Variants in ARHGEF10L observed in about 807,000 individuals in gnomAD.
ARHGEF10L encodes Rho guanine nucleotide exchange factor 10 like.
Under a neutral mutation model 141.2 loss-of-function variants are expected in ARHGEF10L, and 69 were observed. The ratio of observed to expected loss-of-function variants is 0.49; its 90% CI spans 0.40 to 0.60. ARHGEF10L has a LOEUF of 0.60. Among genes scored for constraint, ARHGEF10L ranks in the 20% least tolerant of loss-of-function variants. ARHGEF10L has a pLI of 0.00. For synonymous variants in ARHGEF10L, 711 were observed against 718.5 expected (o/e 0.99, Z 0.17); for missense variants, 1,482 against 1,734.3 (o/e 0.85, Z 2.58).
At chr1:17,667,562 G>C (rs982656022) in intron 26 of ARHGEF10L, among the ~76,000 whole-genome samples, 30 of 152,258 alleles carry the variant, frequency 2.0e-4, no homozygotes, top group Admixed American at 2.0e-3. Flanking sequence ...GGAGAATTGG[G>C]GCACACCAGG....
chr1:17,627,252 C>G lies in ARHGEF10L; in HGVS notation c.1411-78C>G. The G allele has an allele frequency of 6.5e-7, 1 of 1,550,256 alleles. No homozygotes were observed. The highest frequency in any genetic ancestry group is 1.8e-5 in the Admixed American group (1 of 56,766). On this transcript the variant is annotated intron_variant, in intron 14 of 28. Coordinates refer to ENST00000361221, the MANE Select transcript of ARHGEF10L (RefSeq NM_018125.4). This position sits in a 1 kb window ranked among gnomAD's most constrained non-coding sequence, Gnocchi z 4.0. ...CAGACCCAGTGTGTGTAGGGGGTTG[C>G]GCAGGGTGAGGCTTTGCCCCAGGCT...
At chr1:17,636,181 C>T (rs981769919) in intron 18 of ARHGEF10L, among the ~76,000 whole-genome samples, 2 of 152,194 alleles carry the variant, frequency 1.3e-5, no homozygotes, top group African/African-American at 4.8e-5. Context: ...CCTTCATGCA[C>T]TCCAGGGACG....
chr1:17,585,597 C>T (rs565986567), intron 2 of ARHGEF10L, among the ~76,000 whole-genome samples: 124 of 152,236 alleles, frequency 8.1e-4, no homozygotes, highest in African/African-American at 3.0e-3. Context: ...GGAGGGAGGG[C>T]GTACTCTGGG....
Position 17,621,898 on chromosome 1 carries a change from A to G in ARHGEF10L, c.977A>G (p.Gln326Arg). 1 of 1,614,196 alleles carries G rather than the reference A, an allele frequency of 6.2e-7. No homozygotes were observed. Among genetic ancestry groups the G allele is most frequent in the Non-Finnish European group, 8.5e-7 (1 of 1,180,030 alleles). Reference sequence around the variant, plus strand: ...AGGCATATCCTGGGCTCCATCGTGCAGAGCGAAGGCAGCTACGTGGAGTCT... The same window carrying G: ...AGGCATATCCTGGGCTCCATCGTGCGGAGCGAAGGCAGCTACGTGGAGTCT... ...VRRHILGSIV[Q>R]SEGSYVESLK... Residue 326 changes from glutamine (Q) to arginine (R), a missense_variant, in exon 11 of 29, where the codon CAG becomes CGG. Gln to Arg is a conservative substitution (Grantham distance 43, BLOSUM62 1). Around this residue, in one of 3 missense-constraint regions of ARHGEF10L, gnomAD observed 392 missense variants for 542.1 expected, o/e 0.72. Coordinates refer to ENST00000361221, the MANE Select transcript of ARHGEF10L (RefSeq NM_018125.4). The surrounding 1 kb of genome is among the most constrained non-coding windows in gnomAD (Gnocchi z 4.1).
chr1:17,551,538 TTG>T (rs1364312672), intron 1 of ARHGEF10L, among the ~76,000 whole-genome samples: 1 of 152,126 alleles, frequency 6.6e-6, no homozygotes, highest in African/African-American at 2.4e-5. Context: ...GTACTTTATC[TTG>T]TGGGCCCTGC....
rs187028482 is a variant in ARHGEF10L at position 17,639,454 on chromosome 1, G to A, written c.2172-748G>A. Among the ~76,000 whole-genome samples the A allele has an allele frequency of 3.2e-4, 49 of 152,354 alleles. No homozygotes were observed. The highest frequency in any genetic ancestry group is 5.9e-4 in the Non-Finnish European group (40 of 68,026). ...AGAAGGTTGGAGCACTATCATTTGA[G>A]GTAGGACCATGGGCTCAGTCCCCCA... On this transcript the variant is annotated intron_variant, in intron 20 of 28. Coordinates refer to ENST00000361221, the MANE Select transcript of ARHGEF10L (RefSeq NM_018125.4). This position sits in a 1 kb window ranked among gnomAD's most constrained non-coding sequence, Gnocchi z 4.3.
At chr1:17,660,492 A>G (rs749112541) in intron 25 of ARHGEF10L, among the ~76,000 whole-genome samples, 1 of 152,216 alleles carries the variant, frequency 6.6e-6, no homozygotes, top group African/African-American at 2.4e-5. Context: ...GGCACCTCCC[A>G]CGTGTCCCTT....
Position 17,607,700 on chromosome 1 carries a change from C to T in ARHGEF10L, c.434-102C>T. The T allele has an allele frequency of 1.6e-6, 2 of 1,220,746 alleles. No individual in the cohort carries two copies. The highest frequency in any genetic ancestry group is 2.1e-6 in the Non-Finnish European group (2 of 931,246). The allele number at this position is 1,220,746 out of a possible 1,614,324, so 75.6% of individuals were successfully genotyped here. A position where few individuals can be genotyped will look rare whatever the true frequency, so the allele number is the denominator to read the frequency against. ...CCCAGGGCCCCCATGTTCTCCCTGA[C>T]CCCCCCTCGCCCCACCTGGGTTCAG... On this transcript the variant is annotated intron_variant, in intron 6 of 28. Transcript: ENST00000361221. The surrounding 1 kb of genome is among the most constrained non-coding windows in gnomAD (Gnocchi z 4.5).
chr1:17,656,061 C>T lies in ARHGEF10L; in HGVS notation c.2664C>T (p.Ala888=). ...DESPTVADPS[A]TVHPTICLGL... The stretch of plus-strand genomic sequence containing the variant: ...GCCCGACAGTTGCTGACCCCTCGGC[C>T]ACGGTGCATCCAACCATCTGCCTCG... Residue 888 remains alanine (A), a synonymous_variant, in exon 24 of 29, where the codon GCC becomes GCT. Coordinates refer to ENST00000361221, the MANE Select transcript of ARHGEF10L (RefSeq NM_018125.4). This position sits in a 1 kb window ranked among gnomAD's most constrained non-coding sequence, Gnocchi z 4.9. 1.9e-6 allele frequency: 3 copies of T among 1,563,638 alleles called. No homozygotes were observed. Among genetic ancestry groups the T allele is most frequent in the Middle Eastern group, 3.7e-4 (2 of 5,398 alleles).
Position 17,613,096 on chromosome 1 carries a change from C to T in ARHGEF10L, c.648C>T (p.Ala216=). ...TGACTAGGCTAAAGGAGAGATACGC[C>T]AGGACTAAGAGAGACATCTTGGCTT... ...PDLTRLKERY[A]RTKRDILALR... is the part of the protein sequence containing the mutation. Residue 216 remains alanine, a synonymous_variant, in exon 8 of 29, where the codon GCC becomes GCT. Coordinates refer to ENST00000361221, the MANE Select transcript of ARHGEF10L (RefSeq NM_018125.4). 6.2e-7 allele frequency: 1 copy of T among 1,614,042 alleles called. No homozygotes were observed. Among genetic ancestry groups the T allele is most frequent in the African/African-American group, 1.3e-5 (1 of 75,040 alleles).
chr1:17,609,002 C>G (rs1251599990), intron 7 of ARHGEF10L, among the ~76,000 whole-genome samples: 1 of 152,188 alleles, frequency 6.6e-6, no homozygotes, highest in East Asian at 1.9e-4. Context: ...AGGCTGGTCT[C>G]AAACTCCTGG....
In ARHGEF10L at chr1:17,664,492, T is replaced by G. The variant is rs2062846033; in HGVS notation, c.2906T>G (p.Val969Gly). The G allele has an allele frequency of 6.2e-7, 1 of 1,607,404 alleles. No homozygotes were observed. The highest frequency in any genetic ancestry group is 8.5e-7 in the Non-Finnish European group (1 of 1,179,786). The change falls in exon 26 of 29, where the codon GTG becomes GGG. Residue 969 changes from valine to glycine, a missense_variant. Transcript: ENST00000361221. ...DLESPPVCLT[V>G]GPGPVRTLLS... ...GAGAGCCCTCCCGTGTGCCTGACTG[T>G]GGGGCCCGGGCCTGTCCGCACCCTG...
Position 17,644,064 on chromosome 1 carries a change from G to A in ARHGEF10L, c.2272+3762G>A, listed in dbSNP as rs539621513. Among the ~76,000 whole-genome samples, 62 of 152,284 alleles carry A rather than the reference G, an allele frequency of 4.1e-4. No homozygotes were observed. In the South Asian group the frequency reaches 0.012, roughly 30 times the overall value. On this transcript the variant is annotated intron_variant, in intron 21 of 28. Transcript: ENST00000361221. This position sits in a 1 kb window ranked among gnomAD's most constrained non-coding sequence, Gnocchi z 4.5. Reference sequence around the variant, plus strand: ...GCCTCTTACCCTCCCCGGGCCCTTGGAGCTCCTCCCACCCATGGCCCTTCT... The same window carrying A: ...GCCTCTTACCCTCCCCGGGCCCTTGAAGCTCCTCCCACCCATGGCCCTTCT...
intron 15 of ARHGEF10L, among the ~76,000 whole-genome samples, chr1:17,631,545 C>T (rs1485678451): frequency 6.6e-6 from 1 of 152,212 alleles, no homozygotes; most frequent in Non-Finnish European, 1.5e-5. Flanking sequence ...CAAGGCCACG[C>T]CTGCTCCACT....
intron 25 of ARHGEF10L, among the ~76,000 whole-genome samples, chr1:17,661,034 T>C (rs2062591998): frequency 6.6e-6 from 1 of 152,150 alleles, no homozygotes; most frequent in Non-Finnish European, 1.5e-5. Flanking sequence ...GGGAAGTCTC[T>C]TGTTCAGGAT....
At chr1:17,635,523 C>T (rs536958165) in intron 18 of ARHGEF10L, among the ~76,000 whole-genome samples, 141 of 152,272 alleles carry the variant, frequency 9.3e-4, no homozygotes, top group African/African-American at 3.4e-3. Flanking sequence ...GGGCCATGCT[C>T]CCTCCCACCA....
chr1:17,643,658 G>T, intron 21 of ARHGEF10L, among the ~76,000 whole-genome samples: 1 of 152,186 alleles, frequency 6.6e-6, no homozygotes, highest in Non-Finnish European at 1.5e-5. Flanking sequence ...ACTCTGAGAT[G>T]CCTTGGATTT....
At chr1:17,521,617 A>G in the ARHGEF10L span, among the ~76,000 whole-genome samples, 11 of 152,216 alleles carry the variant, frequency 7.2e-5, no homozygotes, top group South Asian at 2.1e-4. Context: ...CGACACCCCA[A>G]TGAGGTGTTG....
At chr1:17,668,416 G>A (rs1318254023) in intron 26 of ARHGEF10L, among the ~76,000 whole-genome samples, 1 of 152,238 alleles carries the variant, frequency 6.6e-6, no homozygotes, top group Non-Finnish European at 1.5e-5. Flanking sequence ...ACCTGTTCTT[G>A]CCCCTTGCCA....
Sources: gnomAD v4.1 joint callset for allele counts (sites outside exome capture counted in the v4.1 genomes callset) on GRCh38, gnomAD v4.1.1 for gene constraint, gnomAD v4.1.1 regional missense constraint, Gnocchi (gnomAD v3.1) non-coding constraint, MANE v1.5 for transcripts, NCBI Gene and HGNC (gene_info 2026-07-23, HGNC 2026-07-21) for gene names.